MLLT10: variants seen among roughly 807,000 people sequenced by gnomAD.
The protein encoded by MLLT10 is protein AF-10.
MLLT10 carries 30 observed loss-of-function variants against 129.1 expected under a neutral mutation model. That is an observed-to-expected ratio of 0.23 (90% CI 0.17 to 0.32). The LOEUF (loss-of-function observed/expected upper bound fraction) is 0.32. Ranked by LOEUF, MLLT10 falls within the 10% of genes least tolerant of loss-of-function variation. The probability of loss-of-function intolerance (pLI) is 1.00; values close to 1 mark genes in which losing one functional copy is unlikely to be tolerated. For missense variants in MLLT10, 1,119 were observed against 1,268.3 expected (o/e 0.88, Z 1.79); for synonymous variants, 490 against 446.4 (o/e 1.10, Z -1.23).
chr10:21,681,399 T>TAACCCGGGCCAAGAAAAAA (rs1367823069), intron 12 of MLLT10, 23 bp downstream of exon 12: 1 of 1,559,806 alleles, frequency 6.4e-7, no homozygotes, highest in South Asian at 1.1e-5. Context: ...ACTGGGTTGA[T>TAACCCGGGCCAAGAAAAAA]AACCCGGGCC....
intron 5 of MLLT10, among the ~76,000 whole-genome samples, chr10:21,610,984 CTT>C (rs71393913): frequency 1.2e-4 from 12 of 102,866 alleles, no homozygotes; most frequent in Non-Finnish European, 2.1e-4. Context: ...TCTTTTTTCT[CTT>C]TTTTTTTTTT....
chr10:21,621,007 C>T (rs566762338), intron 8 of MLLT10, among the ~76,000 whole-genome samples: 1 of 150,714 alleles, frequency 6.6e-6, no homozygotes, highest in African/African-American at 2.4e-5. Context: ...TTTCCTGAGA[C>T]GGAGTCTTGC....
chr10:21,620,686 ATTGT>A (rs1224335132), intron 8 of MLLT10, among the ~76,000 whole-genome samples: 2 of 151,770 alleles, frequency 1.3e-5, no homozygotes, highest in Non-Finnish European at 2.9e-5. Context: ...CAATTTTAAA[ATTGT>A]TTGTTCGTTT....
rs140691917 is a variant in MLLT10, at chr10:21,595,887, T to C, written c.405+447T>C. On this transcript the variant is annotated intron_variant, in intron 5 of 22. Transcript: ENST00000307729. ...CCAAAGTTATTTGTACCCCAAGATATGGTTTTTATTGTTGGCCTTAAAAAA... is the reference window on the plus strand; with the variant it reads ...CCAAAGTTATTTGTACCCCAAGATACGGTTTTTATTGTTGGCCTTAAAAAA... Among the ~76,000 whole-genome samples, 869 of 152,194 alleles carry C rather than the reference T, an allele frequency of 5.7e-3. 6 individuals carry two copies. The highest frequency in any genetic ancestry group is 0.019 in the African/African-American group (807 of 41,548).
chr10:21,571,239 G>A (rs908833474), intron 3 of MLLT10, among the ~76,000 whole-genome samples: 37 of 152,130 alleles, frequency 2.4e-4, no homozygotes, highest in African/African-American at 8.0e-4. Flanking sequence ...CTTGCCATTG[G>A]ATAGCTCCTT....
intron 10 of MLLT10, among the ~76,000 whole-genome samples, chr10:21,671,939 C>A (rs1276863471): frequency 1.3e-5 from 2 of 152,026 alleles, no homozygotes; most frequent in Admixed American, 1.3e-4. Flanking sequence ...GGCGACAGAA[C>A]AAGACCCTGC....
chr10:21,578,705 C>T (rs1376558646), intron 3 of MLLT10, among the ~76,000 whole-genome samples: 5 of 152,080 alleles, frequency 3.3e-5, no homozygotes, highest in Admixed American at 1.3e-4. Flanking sequence ...TATTTCTTTA[C>T]TCTTTTCAGT....
chr10:21,665,313 G>GAT (rs2050674299), intron 9 of MLLT10, among the ~76,000 whole-genome samples: 1 of 126,102 alleles, frequency 7.9e-6, no homozygotes, highest in Non-Finnish European at 1.7e-5. Flanking sequence ...GGGGGGGGGG[G>GAT]GTTTCACTCT....
intron 21 of MLLT10, among the ~76,000 whole-genome samples, chr10:21,738,094 C>A (rs576551917): frequency 6.6e-6 from 1 of 151,916 alleles, no homozygotes; most frequent in East Asian, 2.0e-4. Context: ...GTGGTGAAAC[C>A]CCGTCTCTAC....
chr10:21,659,512 CTTT>C (rs1432253622), intron 9 of MLLT10, among the ~76,000 whole-genome samples: 1 of 139,884 alleles, frequency 7.1e-6, no homozygotes, highest in Admixed American at 7.3e-5. Flanking sequence ...TACTCTTAAT[CTTT>C]TTTTTTTTTT....
At chr10:21,629,517 T>C (rs1469163788) in intron 8 of MLLT10, among the ~76,000 whole-genome samples, 1 of 152,174 alleles carries the variant, frequency 6.6e-6, no homozygotes, top group Non-Finnish European at 1.5e-5. Context: ...ATATCCTGTT[T>C]CTTATTAAAT....
chr10:21,607,800 G>A (rs2044209984), intron 5 of MLLT10, among the ~76,000 whole-genome samples: 1 of 152,096 alleles, frequency 6.6e-6, no homozygotes, highest in Admixed American at 6.5e-5. Flanking sequence ...CTTCCTACAT[G>A]GTCCTTATCA....
chr10:21,592,450 T>G (rs7082934), intron 4 of MLLT10, among the ~76,000 whole-genome samples: 65,808 of 151,400 alleles, frequency 0.43, 15,377 homozygotes, highest in Middle Eastern at 0.57. Context: ...GTTTTTTTTT[T>G]TTTGTTTGTT....
intron 8 of MLLT10, among the ~76,000 whole-genome samples, chr10:21,636,010 C>G (rs1376303355): frequency 6.8e-6 from 1 of 146,976 alleles, no homozygotes; most frequent in Non-Finnish European, 1.5e-5. Context: ...TCTTTTCTTG[C>G]TCCTCTTGTA....
intron 14 of MLLT10, among the ~76,000 whole-genome samples, chr10:21,725,319 T>A (rs2131554692): frequency 6.6e-6 from 1 of 152,352 alleles, no homozygotes; most frequent in South Asian, 2.1e-4. Context: ...ATTAGTCTCA[T>A]GTCCACATGG....
chr10:21,660,479 C>T (rs911896627), intron 9 of MLLT10, among the ~76,000 whole-genome samples: 2 of 150,698 alleles, frequency 1.3e-5, no homozygotes, highest in African/African-American at 2.4e-5. Context: ...AGCCGGGCAT[C>T]GTGGTGCAGG....
intron 18 of MLLT10, 41 bp from the exon 19 acceptor site, chr10:21,733,457 TAATTTA>T (rs754956945): frequency 1.4e-5 from 17 of 1,194,648 alleles, no homozygotes; most frequent in Non-Finnish European, 1.8e-5. Context: ...ACACATAATG[TAATTTA>T]ATAGGGTAAA....
chr10:21,726,332 C>A lies in MLLT10; in HGVS notation c.1967C>A (p.Ala656Asp). Reference protein sequence around the residue: ...RSNSSMAALIAQSENNQTDQD... With the variant: ...RSNSSMAALIDQSENNQTDQD... ...AATTCATCAATGGCAGCTCTTATAGCTCAGTCTGAAAACAATCAAACAGGT... is the reference window on the plus strand; with the variant it reads ...AATTCATCAATGGCAGCTCTTATAGATCAGTCTGAAAACAATCAAACAGGT... The change falls in exon 15 of 23, where the codon GCT becomes GAT. Residue 656 changes from alanine (A) to aspartate (D), a missense_variant. By Grantham distance (126) the Ala-to-Asp change is moderately radical. Coordinates refer to ENST00000307729, the MANE Select transcript of MLLT10 (RefSeq NM_001195626.3). 2 of 1,611,610 alleles carry A rather than the reference C, an allele frequency of 1.2e-6. No homozygotes were observed. Among genetic ancestry groups the A allele is most frequent in the Admixed American group, 1.7e-5 (1 of 59,964 alleles).
At chr10:21,577,633 G>A (rs1287004622) in intron 3 of MLLT10, among the ~76,000 whole-genome samples, 1 of 151,698 alleles carries the variant, frequency 6.6e-6, no homozygotes, top group Non-Finnish European at 1.5e-5. Flanking sequence ...CATCATGCCG[G>A]GCTAATTTTT....
Sources: gnomAD v4.1 joint callset for allele counts (sites outside exome capture counted in the v4.1 genomes callset) on GRCh38, gnomAD v4.1.1 for gene constraint, MANE v1.5 for transcripts, NCBI Gene and HGNC (gene_info 2026-07-23, HGNC 2026-07-21) for gene names.